Variants in FTO observed in about 807,000 individuals in gnomAD.
The protein encoded by FTO is FTO alpha-ketoglutarate dependent dioxygenase, also known as alpha-ketoglutarate-dependent dioxygenase FTO.
A neutral mutation model predicts 63.9 loss-of-function variants in FTO; 47 were observed. That is an observed-to-expected ratio of 0.74 (90% CI 0.58 to 0.94). The LOEUF (loss-of-function observed/expected upper bound fraction) is 0.94. Among genes scored for constraint, FTO ranks in the 40% least tolerant of loss-of-function variants. The pLI is 0.00. For synonymous variants in FTO, 207 were observed against 224.4 expected (o/e 0.92, Z 0.69); for missense variants, 562 against 618.1 (o/e 0.91, Z 0.96).
At chr16:53,749,596 G>A (rs1225808301) in intron 1 of FTO, among the ~76,000 whole-genome samples, 1 of 151,840 alleles carries the variant, frequency 6.6e-6, no homozygotes, top group East Asian at 1.9e-4. Context: ...CCGCCATCAC[G>A]CCCGGCCAAT....
chr16:54,077,291 T>C (rs886540215), intron 8 of FTO, among the ~76,000 whole-genome samples: 3 of 152,194 alleles, frequency 2.0e-5, no homozygotes, highest in South Asian at 2.1e-4. Context: ...TCCTAGGAAA[T>C]GGACATCACA....
At chr16:53,913,284 C>A (rs1056298502) in intron 7 of FTO, among the ~76,000 whole-genome samples, 12 of 152,154 alleles carry the variant, frequency 7.9e-5, no homozygotes, top group Non-Finnish European at 1.8e-4. Flanking sequence ...CCCTGAAAAG[C>A]GAATTTGATT....
chr16:53,797,342 A>G (rs1044185771), intron 1 of FTO, among the ~76,000 whole-genome samples: 14 of 152,164 alleles, frequency 9.2e-5, no homozygotes, highest in South Asian at 2.1e-4. Context: ...TGTACTTACC[A>G]CTGTGTTATA....
intron 7 of FTO, among the ~76,000 whole-genome samples, chr16:53,918,466 A>G (rs756699264): frequency 2.0e-5 from 3 of 152,236 alleles, no homozygotes; most frequent in Non-Finnish European, 2.9e-5. Flanking sequence ...CCACTGTCAT[A>G]TATGTGATCT....
intron 7 of FTO, among the ~76,000 whole-genome samples, chr16:53,909,834 G>A (rs1440180403): frequency 6.6e-6 from 1 of 152,194 alleles, no homozygotes; most frequent in East Asian, 1.9e-4. Context: ...AGAGTGCTGG[G>A]ATTACAGGTG....
chr16:54,002,939 G>T (rs1402094069), intron 8 of FTO, among the ~76,000 whole-genome samples: 3 of 152,180 alleles, frequency 2.0e-5, no homozygotes, highest in Non-Finnish European at 4.4e-5. Context: ...GGCTCACCTT[G>T]GTGCATCCTC....
chr16:53,871,319 A>C (rs1036304122), intron 4 of FTO, among the ~76,000 whole-genome samples: 1 of 152,100 alleles, frequency 6.6e-6, no homozygotes, highest in African/African-American at 2.4e-5. Flanking sequence ...CCTGGCTGTC[A>C]CTCATGCCCT....
chr16:53,704,352 G>T, intron 1 of FTO, 123 bp downstream of exon 1: 1 of 921,606 alleles, frequency 1.1e-6, no homozygotes, highest in Non-Finnish European at 1.7e-6. Context: ...ACAGGGCCTT[G>T]TCAGCAAGGG....
At position 53,826,070 on chromosome 16, in the gene FTO, C is replaced by T. The variant is rs1318214927; in HGVS notation, c.330C>T (p.Asn110=). ...CAGGCTGCACCTACAAGTACCTGAA[C>T]ACCAGGCTCTTTACGGTCCCCTGGC... ...GNPGCTYKYL[N]TRLFTVPWPV... The change falls in exon 3 of 9, where the codon AAC becomes AAT. Residue 110 remains asparagine (N), a synonymous_variant. Transcript: ENST00000471389. 6.2e-7 allele frequency: 1 copy of T among 1,614,040 alleles called. No individual in the cohort carries two copies. The highest frequency in any genetic ancestry group is 1.3e-5 in the African/African-American group (1 of 74,920).
intron 7 of FTO, among the ~76,000 whole-genome samples, chr16:53,914,541 C>G (rs1362833849): frequency 6.6e-6 from 1 of 152,096 alleles, no homozygotes; most frequent in African/African-American, 2.4e-5. Context: ...TCTGTGGCAA[C>G]TTCTCAGGGT....
intron 7 of FTO, among the ~76,000 whole-genome samples, chr16:53,921,039 G>A (rs1025937466): frequency 6.6e-6 from 1 of 152,168 alleles, no homozygotes; most frequent in Non-Finnish European, 1.5e-5. Flanking sequence ...TTCAATTCTT[G>A]TGTAGAAAAC....
chr16:53,923,898 G>A (rs189228340), intron 7 of FTO, among the ~76,000 whole-genome samples: 1 of 151,990 alleles, frequency 6.6e-6, no homozygotes, highest in Non-Finnish European at 1.5e-5. Flanking sequence ...GTGGCAGGCA[G>A]GCTGCTGTGG....
chr16:54,053,209 C>T (rs1325696438), intron 8 of FTO, among the ~76,000 whole-genome samples: 7 of 152,312 alleles, frequency 4.6e-5, no homozygotes, highest in Admixed American at 4.6e-4. Flanking sequence ...CTCCTCCAGG[C>T]TTAGCCAGCT....
intron 8 of FTO, among the ~76,000 whole-genome samples, chr16:54,020,869 G>A (rs937831838): frequency 1.3e-5 from 2 of 152,192 alleles, no homozygotes; most frequent in Non-Finnish European, 2.9e-5. Context: ...CTACTTGGGA[G>A]GCTGAGCAGG....
At chr16:53,903,383 C>T (rs747945722) in intron 7 of FTO, among the ~76,000 whole-genome samples, 10 of 151,942 alleles carry the variant, frequency 6.6e-5, no homozygotes, top group Non-Finnish European at 1.2e-4. Context: ...CTCAGCCTCC[C>T]GAGTCGCTGG....
At chr16:53,724,906 A>C (rs1439226426) in intron 1 of FTO, among the ~76,000 whole-genome samples, 1 of 152,176 alleles carries the variant, frequency 6.6e-6, no homozygotes, top group African/African-American at 2.4e-5. Flanking sequence ...GATAATTAAT[A>C]ATTTTAGCAT....
intron 8 of FTO, chr16:53,937,140 G>T: frequency 2.5e-6 from 1 of 397,768 alleles, no homozygotes; most frequent in Non-Finnish European, 4.4e-6. Context: ...ACAACCCAGC[G>T]ACTCTAGAGG....
intron 1 of FTO, among the ~76,000 whole-genome samples, chr16:53,745,447 A>C (rs2076628284): frequency 1.3e-5 from 2 of 152,192 alleles, no homozygotes; most frequent in African/African-American, 4.8e-5. Flanking sequence ...AGACTCTAAC[A>C]GAAGAGGAAA....
At chr16:54,106,741 T>C (rs1396460951) in intron 8 of FTO, among the ~76,000 whole-genome samples, 13 of 135,840 alleles carry the variant, frequency 9.6e-5, no homozygotes, top group African/African-American at 3.2e-4. Context: ...ATTAAATATA[T>C]AAAATATATA....
Sources: allele counts gnomAD v4.1 joint callset (sites outside exome capture counted in the v4.1 genomes callset), GRCh38; gene constraint gnomAD v4.1.1; transcripts MANE v1.5; gene names NCBI Gene and HGNC (gene_info 2026-07-23, HGNC 2026-07-21).